The following CNTNAP4 variants were observed in gnomAD, a reference collection of about 807,000 sequenced individuals.
CNTNAP4 encodes contactin associated protein family member 4.
A neutral mutation model predicts 148.4 loss-of-function variants in CNTNAP4; 98 were observed. That is an observed-to-expected ratio of 0.66 (90% CI 0.56 to 0.78). The LOEUF (loss-of-function observed/expected upper bound fraction) is 0.78, where lower values mean the gene tolerates loss of function less well. Among genes scored for constraint, CNTNAP4 ranks in the 30% least tolerant of loss-of-function variants. The probability of loss-of-function intolerance (pLI) is 0.00; values close to 1 mark genes in which losing one functional copy is unlikely to be tolerated. For synonymous variants in CNTNAP4, 730 were observed against 565.1 expected (o/e 1.29, Z -4.14); for missense variants, 1,935 against 1,565.6 (o/e 1.24, Z -3.98).
intron 12 of CNTNAP4, among the ~76,000 whole-genome samples, chr16:76,485,342 C>T (rs1232705795): frequency 2.0e-5 from 3 of 152,272 alleles, no homozygotes; most frequent in Admixed American, 2.0e-4. Flanking sequence ...GTCTCGAACT[C>T]CCGACCTTAG....
intron 3 of CNTNAP4, among the ~76,000 whole-genome samples, chr16:76,384,114 G>A (rs2016273432): frequency 2.0e-5 from 3 of 151,918 alleles, no homozygotes; most frequent in Non-Finnish European, 2.9e-5. Context: ...CACTATCTTG[G>A]CTCGCTGCAA....
At chr16:76,472,798 A>G (rs2081420770) in intron 10 of CNTNAP4, among the ~76,000 whole-genome samples, 1 of 152,104 alleles carries the variant, frequency 6.6e-6, no homozygotes, top group African/African-American at 2.4e-5. Context: ...ACTGGGACTT[A>G]CTGGAGGTTG....
chr16:76,544,833 A>T (rs891782834), intron 21 of CNTNAP4, among the ~76,000 whole-genome samples: 1 of 152,174 alleles, frequency 6.6e-6, no homozygotes, highest in African/African-American at 2.4e-5. Flanking sequence ...CTGCAGAGCC[A>T]AGATGTACTT....
intron 15 of CNTNAP4, among the ~76,000 whole-genome samples, chr16:76,505,638 A>G (rs2082813761): frequency 1.0e-5 from 1 of 97,892 alleles, no homozygotes; most frequent in African/African-American, 2.6e-5. Context: ...CCATAACATT[A>G]ATATATTTTA....
intron 12 of CNTNAP4, among the ~76,000 whole-genome samples, chr16:76,487,959 A>G (rs2082084204): frequency 6.6e-6 from 1 of 152,148 alleles, no homozygotes; most frequent in Non-Finnish European, 1.5e-5. Context: ...AAAGGCTTCA[A>G]GCAGGTATAT....
At chr16:76,302,577 G>GTCTC (rs1398566879) in intron 1 of CNTNAP4, among the ~76,000 whole-genome samples, 6 of 151,940 alleles carry the variant, frequency 3.9e-5, no homozygotes, top group Admixed American at 3.9e-4. Context: ...CCTTTTGAAG[G>GTCTC]TCTCCCCTGA....
intron 3 of CNTNAP4, among the ~76,000 whole-genome samples, chr16:76,369,569 C>G (rs1194591587): frequency 6.6e-6 from 1 of 152,190 alleles, no homozygotes; most frequent in East Asian, 1.9e-4. Context: ...GAGCCAGGCA[C>G]AGTAGCTCAT....
intron 15 of CNTNAP4, among the ~76,000 whole-genome samples, chr16:76,517,113 A>T (rs1032868677): frequency 6.6e-6 from 1 of 152,150 alleles, no homozygotes; most frequent in Non-Finnish European, 1.5e-5. Context: ...GTCTCAAAAG[A>T]CTGCATATTT....
chr16:76,458,537 A>T (rs980248198), intron 8 of CNTNAP4, among the ~76,000 whole-genome samples: 3 of 151,924 alleles, frequency 2.0e-5, no homozygotes, highest in African/African-American at 7.3e-5. Context: ...AGTGACCATC[A>T]AGCATTAGAT....
intron 17 of CNTNAP4, among the ~76,000 whole-genome samples, chr16:76,530,621 C>T (rs879309803): frequency 2.0e-5 from 3 of 152,182 alleles, no homozygotes; most frequent in Non-Finnish European, 4.4e-5. Context: ...ACGACTGGGG[C>T]ACGTTTTCAC....
chr16:76,526,509 G>A (rs567312422), intron 17 of CNTNAP4, among the ~76,000 whole-genome samples: 14 of 152,134 alleles, frequency 9.2e-5, no homozygotes, highest in African/African-American at 3.4e-4. Flanking sequence ...GAGAGATGAT[G>A]GTGCTGCAGG....
At chr16:76,304,741 A>G (rs1315826662) in intron 1 of CNTNAP4, among the ~76,000 whole-genome samples, 1 of 152,192 alleles carries the variant, frequency 6.6e-6, no homozygotes, top group Admixed American at 6.6e-5. Context: ...TCAGTGGGCA[A>G]TATTTTGAGG....
chr16:76,346,339 A>G (rs1229653175), intron 2 of CNTNAP4, among the ~76,000 whole-genome samples: 3 of 142,892 alleles, frequency 2.1e-5, no homozygotes, highest in Non-Finnish European at 4.6e-5. Flanking sequence ...TCTGTTGGGT[A>G]CAGGAGAGTG....
intron 21 of CNTNAP4, among the ~76,000 whole-genome samples, chr16:76,550,283 C>G (rs770704632): frequency 2.8e-4 from 42 of 152,182 alleles, no homozygotes; most frequent in Admixed American, 3.3e-4. Context: ...TTGTCTCTCT[C>G]CCTTTCCCTG....
At chr16:76,364,042 C>A (rs1324336406) in intron 3 of CNTNAP4, among the ~76,000 whole-genome samples, 2 of 151,562 alleles carry the variant, frequency 1.3e-5, no homozygotes, top group African/African-American at 4.9e-5. Context: ...TTTGAGACCA[C>A]CCTAGCCAGT....
chr16:76,386,665 A>T (rs2016540756), intron 3 of CNTNAP4, among the ~76,000 whole-genome samples: 1 of 152,188 alleles, frequency 6.6e-6, no homozygotes, highest in Non-Finnish European at 1.5e-5. Flanking sequence ...AGTAATATAT[A>T]TCCCACCATG....
At chr16:76,351,448 A>G (rs1022800941) in intron 2 of CNTNAP4, among the ~76,000 whole-genome samples, 5 of 152,204 alleles carry the variant, frequency 3.3e-5, no homozygotes, top group East Asian at 1.9e-4. Context: ...CCATTTTACT[A>G]TTTAGCATTT....
At chr16:76,548,256 C>T (rs1037038982) in intron 21 of CNTNAP4, among the ~76,000 whole-genome samples, 41 of 150,144 alleles carry the variant, frequency 2.7e-4, no homozygotes, top group Admixed American at 3.3e-4. Flanking sequence ...TAAGAGTGCA[C>T]CATTCAGTTC....
intron 3 of CNTNAP4, among the ~76,000 whole-genome samples, chr16:76,375,846 A>T (rs762796410): frequency 2.6e-5 from 4 of 152,218 alleles, no homozygotes; most frequent in Non-Finnish European, 5.9e-5. Context: ...AGCACTAAAA[A>T]GAAAGATGAG....
Sources: gnomAD v4.1 joint callset for allele counts (sites outside exome capture counted in the v4.1 genomes callset) on GRCh38, gnomAD v4.1.1 for gene constraint, MANE v1.5 for transcripts, NCBI Gene and HGNC (gene_info 2026-07-23, HGNC 2026-07-21) for gene names.